The following HAUS4 variants were observed in gnomAD, a reference collection of about 807,000 sequenced individuals.
HAUS4 encodes the protein HAUS augmin like complex subunit 4.
HAUS4 carries 34 observed loss-of-function variants against 50.6 expected under a neutral mutation model. The observed-to-expected ratio is 0.67, with a 90% CI of 0.51 to 0.90. The LOEUF is 0.90. Ranked by LOEUF, HAUS4 falls within the 40% of genes least tolerant of loss-of-function variation. The probability of loss-of-function intolerance (pLI) is 0.00; values close to 1 mark genes in which losing one functional copy is unlikely to be tolerated. For missense variants in HAUS4, 370 were observed against 428.7 expected (o/e 0.86, Z 1.21); for synonymous variants, 149 against 161.4 (o/e 0.92, Z 0.58).
intron 6 of HAUS4, among the ~76,000 whole-genome samples, chr14:22,950,070 G>A (rs532530629): frequency 1.3e-5 from 2 of 151,268 alleles, no homozygotes; most frequent in Non-Finnish European, 2.9e-5. Context: ...GGAGCTTGCG[G>A]TGAACAGAAA....
Position 22,947,075 on chromosome 14 carries a change from T to G in HAUS4, c.908+96A>C. On this transcript the variant is annotated intron_variant, in intron 9 of 9. Transcript: ENST00000541587. ...CTGGGATTACAGGTGTGAGCCACTG[T>G]GCCCAGCCAAAAATGGCAACATCTT... 2.4e-5 allele frequency: 20 copies of G among 849,932 alleles called. 1 individual carries two copies. In the South Asian group the frequency reaches 2.8e-4, roughly 12 times the overall value. The allele number at this position is 849,932 out of a possible 1,614,324, so 52.6% of individuals were successfully genotyped here.
At chr14:22,955,413 C>T (rs2044842224) in intron 1 of HAUS4, 1 of 520,906 alleles carries the variant, frequency 1.9e-6, no homozygotes. Flanking sequence ...TGTGTTTCCA[C>T]TTGCTCCAAG....
At position 22,947,167 on chromosome 14, in the gene HAUS4, T is replaced by C. The variant is rs1417023437; in HGVS notation, c.908+4A>G. The C allele has an allele frequency of 8.4e-6, 13 of 1,555,368 alleles. No individual in the cohort carries two copies. Among genetic ancestry groups the C allele is most frequent in the Admixed American group, 1.7e-5 (1 of 59,876 alleles). On this transcript the variant is annotated splice_donor_region_variant and intron_variant, in intron 9 of 9. Coordinates refer to ENST00000541587, the MANE Select transcript of HAUS4 (RefSeq NM_001166269.2). ...AGCTGTACCAGACTCTTAGGAGTTCTCACCTAATCAGACGATGAACTTCCA... is the reference window on the plus strand; with the variant it reads ...AGCTGTACCAGACTCTTAGGAGTTCCCACCTAATCAGACGATGAACTTCCA...
chr14:22,948,462 G>C (rs987253493), intron 6 of HAUS4, among the ~76,000 whole-genome samples: 1 of 136,610 alleles, frequency 7.3e-6, no homozygotes, highest in African/African-American at 2.6e-5. Flanking sequence ...AGCGGGGGGG[G>C]GGAGGGCATC....
intron 6 of HAUS4, among the ~76,000 whole-genome samples, 170 bp downstream of exon 6, chr14:22,950,144 C>CA (rs1318006409): frequency 2.8e-5 from 4 of 140,944 alleles, no homozygotes; most frequent in East Asian, 4.2e-4. Context: ...AAAAAAAAAA[C>CA]AAAAAAACAA....
chr14:22,948,317 C>T (rs2044681743), intron 6 of HAUS4: 1 of 263,618 alleles, frequency 3.8e-6, no homozygotes, highest in African/African-American at 2.2e-5. Context: ...GTTAGGCATA[C>T]TATGCGCCTG....
intron 5 of HAUS4, 65 bp downstream of exon 5, chr14:22,951,490 C>T (rs761417455): frequency 7.1e-6 from 11 of 1,558,830 alleles, no homozygotes; most frequent in Admixed American, 5.1e-5. Flanking sequence ...ACAAAAAAAA[C>T]ATTTTAAAGA....
At chr14:22,955,858 A>T (rs2044853213) in intron 1 of HAUS4, among the ~76,000 whole-genome samples, 1 of 152,120 alleles carries the variant, frequency 6.6e-6, no homozygotes, top group Non-Finnish European at 1.5e-5. Context: ...CGAGAACGTG[A>T]GCTGTGGGTG....
intron 5 of HAUS4, among the ~76,000 whole-genome samples, chr14:22,950,733 A>G (rs901014299): frequency 2.0e-5 from 3 of 152,236 alleles, no homozygotes; most frequent in African/African-American, 7.2e-5. Flanking sequence ...ATAATCATAC[A>G]AAGGTAAAGA....
intron 2 of HAUS4, among the ~76,000 whole-genome samples, chr14:22,953,149 A>ATT (rs962731545): frequency 6.8e-6 from 1 of 147,770 alleles, no homozygotes. Context: ...CAACTAACCA[A>ATT]TTTTTTTTTT....
At chr14:22,949,325 T>C (rs1464169068) in intron 6 of HAUS4, among the ~76,000 whole-genome samples, 3 of 151,822 alleles carry the variant, frequency 2.0e-5, no homozygotes, top group Non-Finnish European at 4.4e-5. Flanking sequence ...GTCAGGAGAC[T>C]GAGACCATCC....
intron 8 of HAUS4, 134 bp downstream of exon 8, chr14:22,947,467 T>C: frequency 2.0e-6 from 2 of 989,034 alleles, no homozygotes; most frequent in Non-Finnish European, 3.0e-6. Flanking sequence ...ATCCAAAAGC[T>C]AATACTGCTA....
intron 6 of HAUS4, among the ~76,000 whole-genome samples, chr14:22,949,985 G>A (rs1035201381): frequency 3.3e-5 from 5 of 151,448 alleles, no homozygotes; most frequent in African/African-American, 9.7e-5. Context: ...AAAATTAGCC[G>A]AGCGGGGTGG....
chr14:22,952,119 G>A (rs2044764834), intron 4 of HAUS4, among the ~76,000 whole-genome samples: 1 of 152,170 alleles, frequency 6.6e-6, no homozygotes, highest in Non-Finnish European at 1.5e-5. Flanking sequence ...CCAGGTTCAA[G>A]CGATTCTGCT....
In HAUS4 at chr14:22,952,593, T is replaced by C. The variant is rs867171796; in HGVS notation, c.146A>G (p.Gln49Arg). Residue 49 changes from glutamine to arginine, a missense_variant, in exon 3 of 10, where the codon CAG (glutamine) becomes CGG (arginine). Physicochemically the swap from Gln to Arg is conservative, Grantham distance 43. Transcript: ENST00000541587. ...GCTTAAGCCACTCTCATCCACATGC[T>C]GTGAGAGATTCAGGAGAAGCTTGCT... is the stretch of plus-strand genomic sequence containing the variant. ...YFSKLLLNLS[Q>R]HVDESGLSLT... 3.1e-6 allele frequency: 5 copies of C among 1,613,894 alleles called. No individual in the cohort carries two copies. In the African/African-American group the frequency reaches 6.7e-5, roughly 22 times the overall value.
chr14:22,954,977 A>G (rs2016392), intron 2 of HAUS4, 123 bp downstream of exon 2: 596,816 of 750,320 alleles, frequency 0.8, 238,983 homozygotes, highest in East Asian at 0.97. Context: ...CACCCACCTC[A>G]GCCTCCCAAA....
chr14:22,955,170 T>C lies in HAUS4; in HGVS notation c.-16A>G, dbSNP rs765921249. The C allele has an allele frequency of 6.3e-7, 1 of 1,596,362 alleles. No individual in the cohort carries two copies. The highest frequency in any genetic ancestry group is 1.1e-5 in the South Asian group (1 of 90,724). ...CGGATGCCATTTGATTTTCTTGGGA[T>C]TCTAATCTGTGGAACCAAGAAGTGA... On this transcript the variant is annotated 5_prime_UTR_variant, in exon 2 of 10. Transcript: ENST00000541587.
intron 2 of HAUS4, among the ~76,000 whole-genome samples, chr14:22,953,786 ATT>A (rs60021495): frequency 1.2e-4 from 16 of 129,908 alleles, no homozygotes; most frequent in Middle Eastern, 4.0e-3. Context: ...ACGCCCAGCT[ATT>A]TTTTTTTTTT....
chr14:22,955,097 T>C lies in HAUS4; in HGVS notation c.55+3A>G, dbSNP rs2044835265. On this transcript the variant is annotated splice_donor_region_variant and intron_variant, in intron 2 of 9. Coordinates refer to ENST00000541587, the MANE Select transcript of HAUS4 (RefSeq NM_001166269.2). ...CAAACCTTTTGCAAGTGGCTACTCT[T>C]ACCTTGTTGAAGTATTTCCATCCCT... 6.2e-7 allele frequency: 1 copy of C among 1,604,270 alleles called. No homozygotes were observed. Among genetic ancestry groups the C allele is most frequent in the Non-Finnish European group, 8.5e-7 (1 of 1,170,950 alleles).
Sources: gnomAD v4.1 joint callset for allele counts (sites outside exome capture counted in the v4.1 genomes callset) on GRCh38, gnomAD v4.1.1 for gene constraint, MANE v1.5 for transcripts, NCBI Gene and HGNC (gene_info 2026-07-23, HGNC 2026-07-21) for gene names.